ARSG: variants seen among roughly 807,000 people sequenced by gnomAD.
ARSG encodes arylsulfatase G.
In ARSG, 37 loss-of-function variants were observed where a neutral mutation model predicts 50.5. The observed-to-expected ratio is 0.73, with a 90% CI of 0.56 to 0.96. The LOEUF (loss-of-function observed/expected upper bound fraction) is 0.96. ARSG is among the 50% of genes least tolerant of loss of function. The pLI, the probability that ARSG is intolerant of heterozygous loss-of-function variation, is 0.00. For missense variants in ARSG, 629 were observed against 675.3 expected (o/e 0.93, Z 0.76); for synonymous variants, 225 against 254.6 (o/e 0.88, Z 1.11).
rs967817653 is a variant in ARSG, at chr17:68,385,108, G to C, written c.1027G>C (p.Val343Leu). 3 of 1,614,072 alleles carry C rather than the reference G, an allele frequency of 1.9e-6. No individual in the cohort carries two copies. Among genetic ancestry groups the C allele is most frequent in the Non-Finnish European group, 2.5e-6 (3 of 1,179,994 alleles). The change falls in exon 9 of 12, where the codon GTC (valine) becomes CTC (leucine). Residue 343 changes from valine (V) to leucine (L), a missense_variant. Val to Leu is a conservative substitution (Grantham distance 32). Coordinates refer to ENST00000621439, the MANE Select transcript of ARSG (RefSeq NM_001267727.2). ...GACGACCTGGGAAGGAGGGCACCGG[G>C]TCCCAGCACTGGCTTACTGGCCTGG... ...KQTTWEGGHR[V>L]PALAYWPGRV... is the part of the protein sequence containing the mutation.
At chr17:68,352,088 G>GGAGA (rs34934330) in intron 5 of ARSG, among the ~76,000 whole-genome samples, 1,065 of 104,060 alleles carry the variant, frequency 0.01, 35 homozygotes, top group Non-Finnish European at 0.016. Context: ...GAGAGACAGA[G>GGAGA]GAGAGAGAGA....
In ARSG at chr17:68,367,229, G is replaced by A. The variant is rs546958891; in HGVS notation, c.705-1319G>A. ...CCCTGTCTTGGGACTTGTGTCCAGGGTTTTATGCATAGCAAAGAGAACTGA... is the reference window on the plus strand; with the variant it reads ...CCCTGTCTTGGGACTTGTGTCCAGGATTTTATGCATAGCAAAGAGAACTGA... On this transcript the variant is annotated intron_variant, in intron 6 of 11. Transcript: ENST00000621439. This position sits in a 1 kb window ranked among gnomAD's most constrained non-coding sequence, Gnocchi z 4.5. 6.6e-6 allele frequency among the ~76,000 whole-genome samples: 1 copy of A among 152,190 alleles called. No homozygotes were observed. The highest frequency in any genetic ancestry group is 2.1e-4 in the South Asian group (1 of 4,822).
At chr17:68,417,193 T>C (rs2082424939) in intron 11 of ARSG, among the ~76,000 whole-genome samples, 1 of 152,166 alleles carries the variant, frequency 6.6e-6, no homozygotes, top group South Asian at 2.1e-4. Flanking sequence ...TTCCCTCCCC[T>C]TAGGTGGAAC....
At chr17:68,336,717 G>C (rs1327371072) in intron 2 of ARSG, among the ~76,000 whole-genome samples, 1 of 152,084 alleles carries the variant, frequency 6.6e-6, no homozygotes, top group Non-Finnish European at 1.5e-5. Context: ...GCTGAGCATG[G>C]TGGCGTGCAT....
chr17:68,371,316 CAAAAAAAAAAAAAAA>C (rs35873473), intron 8 of ARSG, among the ~76,000 whole-genome samples: 1 of 86,184 alleles, frequency 1.2e-5, no homozygotes, highest in Non-Finnish European at 2.2e-5. Context: ...GACTCCGTCT[CAAAAAAAAAAAAAAA>C]AAAAAGAAGG....
At chr17:68,264,198 A>G (rs2075117243) in intron 1 of ARSG, among the ~76,000 whole-genome samples, 1 of 152,120 alleles carries the variant, frequency 6.6e-6, no homozygotes, top group Non-Finnish European at 1.5e-5. Context: ...CAATAGTTGA[A>G]TTGGAGTATG....
chr17:68,316,290 T>C (rs186313993), intron 2 of ARSG, among the ~76,000 whole-genome samples: 48 of 152,336 alleles, frequency 3.2e-4, no homozygotes, highest in Admixed American at 1.6e-3. Context: ...TCCTACCCCA[T>C]GCACATCTCC....
rs757502375 is a variant in ARSG, at chr17:68,346,870, T to C, written c.407-255T>C. On this transcript the variant is annotated intron_variant, in intron 3 of 11. Transcript: ENST00000621439. ...GGCAGAGGCTCAGGCTTCTCCGGGCTCCTGGTGATGGGCTGTCTTCCCCTT... is the reference window on the plus strand; with the variant it reads ...GGCAGAGGCTCAGGCTTCTCCGGGCCCCTGGTGATGGGCTGTCTTCCCCTT... The C allele has an allele frequency of 4.6e-5, 65 of 1,424,998 alleles. No individual in the cohort carries two copies. In the Middle Eastern group the frequency reaches 9.1e-4, roughly 20 times the overall value. The allele number at this position is 1,424,998 out of a possible 1,614,324, so 88.3% of individuals were successfully genotyped here.
chr17:68,358,914 A>G (rs1219462878), intron 6 of ARSG, among the ~76,000 whole-genome samples: 2 of 152,180 alleles, frequency 1.3e-5, no homozygotes, highest in African/African-American at 2.4e-5. Context: ...CTGTAATCCC[A>G]GCACTTTGGG....
downstream of ARSG, chr17:68,426,081 A>G (rs929104579): frequency 6.2e-7 from 1 of 1,612,678 alleles, no homozygotes; most frequent in African/African-American, 1.3e-5. Context: ...TCACAGGAGG[A>G]AACTCATTCT....
chr17:68,322,399 C>T (rs1555770867), intron 2 of ARSG, among the ~76,000 whole-genome samples: 1 of 152,198 alleles, frequency 6.6e-6, no homozygotes, highest in Non-Finnish European at 1.5e-5. Flanking sequence ...GAGGCTGAGG[C>T]AGGCGGATCA....
chr17:68,433,785 T>TTTGTTTTTTTG, the ARSG span, among the ~76,000 whole-genome samples: 49 of 88,324 alleles, frequency 5.5e-4, no homozygotes, highest in African/African-American at 1.6e-3. Flanking sequence ...TTTTTTTTTT[T>TTTGTTTTTTTG]TTTTTTTTTT....
chr17:68,398,721 T>C (rs1454420780), intron 10 of ARSG, among the ~76,000 whole-genome samples: 1 of 152,216 alleles, frequency 6.6e-6, no homozygotes, highest in African/African-American at 2.4e-5. Flanking sequence ...ATGTGCACAA[T>C]GAGCTCCAGT....
At position 68,420,480 on chromosome 17, in the gene ARSG, C is replaced by G. The variant is rs768831318; in HGVS notation, c.*17C>G. The G allele has an allele frequency of 1.9e-6, 3 of 1,602,498 alleles. No homozygotes were observed. Among genetic ancestry groups the G allele is most frequent in the Non-Finnish European group, 2.6e-6 (3 of 1,171,294 alleles). On this transcript the variant is annotated 3_prime_UTR_variant, in exon 12 of 12. Coordinates refer to ENST00000621439, the MANE Select transcript of ARSG (RefSeq NM_001267727.2). ...GCCGCATAACAGACCAATTTTTATT[C>G]CACGAGGAGGAGTACCTGGAAATTA...
At chr17:68,266,371 ATATATATG>A (rs1405957092) in intron 1 of ARSG, among the ~76,000 whole-genome samples, 1 of 118,516 alleles carries the variant, frequency 8.4e-6, no homozygotes, top group Non-Finnish European at 1.7e-5. Flanking sequence ...TGATCAAAGT[ATATATATG>A]TATATATATG....
At chr17:68,288,911 C>T (rs567163619), upstream of ARSG, among the ~76,000 whole-genome samples, 3 of 152,174 alleles carry the variant, frequency 2.0e-5, no homozygotes, top group Non-Finnish European at 4.4e-5. Context: ...TTCCAACTTA[C>T]AAAACTCGAC....
chr17:68,366,019 C>T (rs1432092686), intron 6 of ARSG, among the ~76,000 whole-genome samples: 2 of 152,212 alleles, frequency 1.3e-5, no homozygotes, highest in Admixed American at 1.3e-4. Flanking sequence ...TCACTGCAAC[C>T]TCTGCCTCCT....
chr17:68,304,735 G>A (rs2076544180), intron 1 of ARSG, among the ~76,000 whole-genome samples: 1 of 152,194 alleles, frequency 6.6e-6, no homozygotes, highest in African/African-American at 2.4e-5. Context: ...TCACTATGTT[G>A]GACAGGCTGA....
At chr17:68,304,721 G>T (rs1362438012) in intron 1 of ARSG, among the ~76,000 whole-genome samples, 2 of 152,190 alleles carry the variant, frequency 1.3e-5, no homozygotes, top group African/African-American at 4.8e-5. Context: ...ATACAGATAA[G>T]GTCTCACTAT....
Sources: allele counts gnomAD v4.1 joint callset (sites outside exome capture counted in the v4.1 genomes callset), GRCh38; gene constraint gnomAD v4.1.1; non-coding constraint Gnocchi (gnomAD v3.1); transcripts MANE v1.5; gene names NCBI Gene and HGNC (gene_info 2026-07-23, HGNC 2026-07-21).